The following MTHFD1L variants were observed in gnomAD, a reference collection of about 807,000 sequenced individuals.
The protein encoded by MTHFD1L is methylenetetrahydrofolate dehydrogenase (NADP+ dependent) 1 like.
Under a neutral mutation model 119.5 loss-of-function variants are expected in MTHFD1L, and 81 were observed. The ratio of observed to expected loss-of-function variants is 0.68; its 90% CI spans 0.57 to 0.82. The LOEUF (loss-of-function observed/expected upper bound fraction) is 0.82, where lower values mean the gene tolerates loss of function less well. Among genes scored for constraint, MTHFD1L ranks in the 40% least tolerant of loss-of-function variants. The pLI is 0.00. For synonymous variants in MTHFD1L, 430 were observed against 475.2 expected (o/e 0.90, Z 1.24); for missense variants, 1,125 against 1,253.4 (o/e 0.90, Z 1.55).
chr6:150,987,503 A>G (rs965874249), intron 20 of MTHFD1L, among the ~76,000 whole-genome samples: 1 of 152,218 alleles, frequency 6.6e-6, no homozygotes, highest in Non-Finnish European at 1.5e-5. Flanking sequence ...TGACTCATTC[A>G]GTTGCTCAAA....
intron 26 of MTHFD1L, among the ~76,000 whole-genome samples, chr6:151,061,718 T>A (rs1790663635): frequency 6.6e-6 from 1 of 152,196 alleles, no homozygotes; most frequent in Non-Finnish European, 1.5e-5. Context: ...CATTAGCCCC[T>A]CAAAGGGTCA....
intron 26 of MTHFD1L, among the ~76,000 whole-genome samples, chr6:151,040,153 C>T (rs1034158074): frequency 2.0e-5 from 3 of 152,134 alleles, no homozygotes; most frequent in Non-Finnish European, 2.9e-5. Context: ...AGGTTAGCCT[C>T]AGTCACGATC....
chr6:150,882,896 T>C lies in MTHFD1L; in HGVS notation c.542+10T>C. The C allele has an allele frequency of 6.4e-7, 1 of 1,562,036 alleles. No homozygotes were observed. Among genetic ancestry groups the C allele is most frequent in the Non-Finnish European group, 8.6e-7 (1 of 1,164,246 alleles). ...AAAAAGATGTGGATGGGTAAGAAAA[T>C]AAAATCAAATAATCAACCTTTATGG... On this transcript the variant is annotated intron_variant, in intron 5 of 27. Transcript: ENST00000367321.
intron 27 of MTHFD1L, among the ~76,000 whole-genome samples, chr6:151,093,848 G>A (rs1301042144): frequency 6.6e-6 from 1 of 152,180 alleles, no homozygotes; most frequent in Admixed American, 6.5e-5. Flanking sequence ...AGGAAGGGCA[G>A]GGCAGCAGAA....
intron 19 of MTHFD1L, among the ~76,000 whole-genome samples, chr6:150,965,378 A>C (rs910537533): frequency 2.6e-5 from 4 of 152,112 alleles, no homozygotes; most frequent in African/African-American, 9.7e-5. Flanking sequence ...TCAATGTCTG[A>C]GGCCAGGCGC....
intron 11 of MTHFD1L, among the ~76,000 whole-genome samples, chr6:150,927,274 C>G (rs74929484): frequency 7.2e-5 from 11 of 152,068 alleles, no homozygotes; most frequent in South Asian, 6.2e-4. Context: ...AACTGTTGAC[C>G]TGCGAGGACT....
intron 7 of MTHFD1L, among the ~76,000 whole-genome samples, chr6:150,902,510 T>A (rs1365395929): frequency 6.6e-6 from 1 of 152,228 alleles, no homozygotes; most frequent in Admixed American, 6.5e-5. Context: ...TAATTTTCCT[T>A]GAATTTTAGC....
chr6:151,092,745 T>A (rs1195522747), intron 27 of MTHFD1L, among the ~76,000 whole-genome samples, 158 bp downstream of exon 27: 5 of 152,052 alleles, frequency 3.3e-5, no homozygotes, highest in Non-Finnish European at 1.5e-5. Flanking sequence ...GTGACTGGAG[T>A]TCACTCCTGG....
intron 11 of MTHFD1L, 92 bp from the exon 12 acceptor site, chr6:150,936,712 G>GC: frequency 6.9e-7 from 1 of 1,440,864 alleles, no homozygotes; most frequent in Non-Finnish European, 9.6e-7. Context: ...TTTGAAATGA[G>GC]CACCCTCAGA....
intron 6 of MTHFD1L, among the ~76,000 whole-genome samples, chr6:150,886,383 C>CTGTG (rs1294450354): frequency 1.4e-5 from 2 of 139,864 alleles, no homozygotes; most frequent in Non-Finnish European, 3.0e-5. Flanking sequence ...TTACAGTGAG[C>CTGTG]TGTGATTGCA....
intron 4 of MTHFD1L, among the ~76,000 whole-genome samples, chr6:150,880,396 T>TGTACTCCAGGTTCATCCATGTTGC (rs1161705356): frequency 2.0e-5 from 3 of 152,250 alleles, no homozygotes; most frequent in African/African-American, 7.2e-5. Flanking sequence ...CTTCATGTTA[T>TGTACTCCAGGTTCATCCATGTTGC]GTCCTCCAGG....
chr6:150,923,548 T>TTTC (rs1789425370), intron 10 of MTHFD1L, among the ~76,000 whole-genome samples: 3 of 119,774 alleles, frequency 2.5e-5, no homozygotes, highest in African/African-American at 9.8e-5. Flanking sequence ...TTTTTTCTTT[T>TTTC]TTTTTTTTTT....
In MTHFD1L at chr6:151,044,464, G is replaced by C. The variant is rs527361625; in HGVS notation, c.2847+7347G>C. Among the ~76,000 whole-genome samples the C allele has an allele frequency of 4.0e-5, 6 of 151,842 alleles. No individual in the cohort carries two copies. The East Asian group carries it at 1.2e-3, about 29-fold the overall frequency. On this transcript the variant is annotated intron_variant, in intron 26 of 27. Transcript: ENST00000367321. ...TTACAGGTGGCCGCCACTACGCCCCGCTAGTTTTTTGTATTTTTAATAGAG... is the reference window on the plus strand; with the variant it reads ...TTACAGGTGGCCGCCACTACGCCCCCCTAGTTTTTTGTATTTTTAATAGAG...
chr6:150,942,034 G>A (rs954400833), intron 13 of MTHFD1L, among the ~76,000 whole-genome samples: 30 of 152,150 alleles, frequency 2.0e-4, no homozygotes, highest in African/African-American at 6.0e-4. Context: ...TGAGGCGAGT[G>A]GATCACCTGA....
At chr6:150,980,723 A>AAG (rs1554269192) in intron 20 of MTHFD1L, among the ~76,000 whole-genome samples, 105 of 151,440 alleles carry the variant, frequency 6.9e-4, no homozygotes, top group Non-Finnish European at 9.9e-4. Flanking sequence ...AAAAAAAAAA[A>AAG]AAAGAAAGAA....
chr6:151,015,544 G>C lies in MTHFD1L; in HGVS notation c.2437G>C (p.Val813Leu). 1 of 1,613,962 alleles carries C rather than the reference G, an allele frequency of 6.2e-7. No homozygotes were observed. Among genetic ancestry groups the C allele is most frequent in the Non-Finnish European group, 8.5e-7 (1 of 1,179,978 alleles). Residue 813 changes from valine (V) to leucine (L), a missense_variant, in exon 24 of 28, where the codon GTG (valine) becomes CTG (leucine). Transcript: ENST00000367321. ...KTDTRAEIDL[V>L]CELAKRAGAF... ...CGACACCCGCGCTGAGATTGACTTG[G>C]TGTGTGAGCTTGCAAAGCGGGCTGG...
At chr6:150,959,288 C>T (rs758007886) in intron 17 of MTHFD1L, 67 of 755,602 alleles carry the variant, frequency 8.9e-5, no homozygotes, top group Non-Finnish European at 1.1e-4. Flanking sequence ...AAGGTGATCC[C>T]ACCAGGGCAC....
In MTHFD1L at chr6:150,882,797, C is replaced by A; in HGVS notation, c.453C>A (p.Thr151=). ...AAATCTTAAAGATCAATGAAGATACCAGAGTACATGGCCTTGCCCTTCAGA... is the reference window on the plus strand; with the variant it reads ...AAATCTTAAAGATCAATGAAGATACAAGAGTACATGGCCTTGCCCTTCAGA... ...IDEILKINED[T]RVHGLALQIS... Residue 151 remains threonine (T), a synonymous_variant, in exon 5 of 28, where the codon ACC becomes ACA. Transcript: ENST00000367321. 6.4e-7 allele frequency: 1 copy of A among 1,556,924 alleles called. No individual in the cohort carries two copies. Among genetic ancestry groups the A allele is most frequent in the South Asian group, 1.3e-5 (1 of 79,764 alleles).
At chr6:150,976,354 A>G (rs749003440) in intron 20 of MTHFD1L, among the ~76,000 whole-genome samples, 2 of 152,204 alleles carry the variant, frequency 1.3e-5, no homozygotes, top group Non-Finnish European at 2.9e-5. Flanking sequence ...GCTAAGGCAT[A>G]CAAAATCTAT....
Sources: gnomAD v4.1 joint callset for allele counts (sites outside exome capture counted in the v4.1 genomes callset) on GRCh38, gnomAD v4.1.1 for gene constraint, MANE v1.5 for transcripts, NCBI Gene and HGNC (gene_info 2026-07-23, HGNC 2026-07-21) for gene names.